Variants in PDE3A observed in about 807,000 individuals in gnomAD.
PDE3A encodes cGMP-inhibited 3',5'-cyclic phosphodiesterase 3A.
Under a neutral mutation model 98.3 loss-of-function variants are expected in PDE3A, and 43 were observed. The observed-to-expected ratio is 0.44, with a 90% confidence interval of 0.34 to 0.56. PDE3A has a LOEUF of 0.56. Ranked by LOEUF, PDE3A falls within the 20% of genes least tolerant of loss-of-function variation. PDE3A has a pLI of 0.01. For missense variants in PDE3A, 1,427 were observed against 1,440.7 expected (o/e 0.99, Z 0.15); for synonymous variants, 663 against 567.9 (o/e 1.17, Z -2.38).
intron 1 of PDE3A, among the ~76,000 whole-genome samples, chr12:20,422,533 T>C (rs1944536841): frequency 1.3e-5 from 2 of 152,240 alleles, no homozygotes; most frequent in South Asian, 2.1e-4. Context: ...CATTGCATGT[T>C]ATTATTGAGG....
intron 2 of PDE3A, among the ~76,000 whole-genome samples, chr12:20,589,670 C>T (rs1437219093): frequency 6.6e-6 from 1 of 151,698 alleles, no homozygotes; most frequent in East Asian, 2.0e-4. Context: ...AGATCGAGAC[C>T]ATCCTGGCTA....
chr12:20,687,453 T>C lies in PDE3A; in HGVS notation c.*7182T>C, dbSNP rs1201506396. On this transcript the variant is annotated 3_prime_UTR_variant, in exon 16 of 16. Transcript: ENST00000359062. ...AAAAATCACTAAATTTTTTATACTCTGTAAAATATTTGCATGGGAATTTTA... is the reference window on the plus strand; with the variant it reads ...AAAAATCACTAAATTTTTTATACTCCGTAAAATATTTGCATGGGAATTTTA... 2.0e-5 allele frequency among the ~76,000 whole-genome samples: 3 copies of C among 151,810 alleles called. No individual in the cohort carries two copies. Among genetic ancestry groups the C allele is most frequent in the Non-Finnish European group, 4.4e-5 (3 of 67,878 alleles).
chr12:20,601,768 T>A (rs1017295608), intron 2 of PDE3A, among the ~76,000 whole-genome samples: 1 of 151,942 alleles, frequency 6.6e-6, no homozygotes, highest in Admixed American at 6.6e-5. Flanking sequence ...TTTTTAGCTT[T>A]TTTTTTTGTT....
intron 1 of PDE3A, among the ~76,000 whole-genome samples, chr12:20,422,838 T>G (rs1412522959): frequency 6.6e-6 from 1 of 152,226 alleles, no homozygotes; most frequent in East Asian, 1.9e-4. Context: ...TGGAGGCAGT[T>G]CTTAAAACTA....
intron 13 of PDE3A, among the ~76,000 whole-genome samples, chr12:20,649,140 C>G (rs1420259003): frequency 6.6e-6 from 1 of 151,598 alleles, no homozygotes; most frequent in East Asian, 2.0e-4. Context: ...ACCATGTTGG[C>G]CAGGCTGCTC....
intron 2 of PDE3A, among the ~76,000 whole-genome samples, chr12:20,564,366 T>A (rs1371295930): frequency 1.3e-5 from 2 of 152,154 alleles, no homozygotes; most frequent in African/African-American, 4.8e-5. Flanking sequence ...ATCTTGACAC[T>A]TTATGTAGGA....
At chr12:20,433,442 A>G (rs1200563658) in intron 1 of PDE3A, among the ~76,000 whole-genome samples, 1 of 152,288 alleles carries the variant, frequency 6.6e-6, no homozygotes, top group East Asian at 1.9e-4. Flanking sequence ...AATTACAGCA[A>G]TTAGTGGTAA....
At chr12:20,420,423 G>T (rs542389636) in intron 1 of PDE3A, among the ~76,000 whole-genome samples, 2 of 152,258 alleles carry the variant, frequency 1.3e-5, no homozygotes, top group South Asian at 2.1e-4. Flanking sequence ...TTCATGCGGA[G>T]GTTGACTGAT....
At chr12:20,440,756 G>A (rs1944857753) in intron 1 of PDE3A, among the ~76,000 whole-genome samples, 1 of 152,170 alleles carries the variant, frequency 6.6e-6, no homozygotes. Flanking sequence ...GTGGGATGAA[G>A]AGTGTGATCT....
At chr12:20,617,055 T>C (rs998453771) in intron 4 of PDE3A, among the ~76,000 whole-genome samples, 9 of 152,190 alleles carry the variant, frequency 5.9e-5, no homozygotes, top group African/African-American at 2.2e-4. Flanking sequence ...ATTATACTTA[T>C]CTTACTTTAT....
intron 1 of PDE3A, among the ~76,000 whole-genome samples, chr12:20,449,491 G>T (rs1364032967): frequency 6.6e-6 from 1 of 151,996 alleles, no homozygotes; most frequent in Non-Finnish European, 1.5e-5. Context: ...GACGACTTTT[G>T]ATTAAGAAAA....
At chr12:20,385,448 G>A (rs927231472) in intron 1 of PDE3A, among the ~76,000 whole-genome samples, 6 of 151,896 alleles carry the variant, frequency 4.0e-5, no homozygotes, top group African/African-American at 9.7e-5. Flanking sequence ...GGTATATACC[G>A]AAAGGATTAT....
chr12:20,480,205 A>T (rs1945598634), intron 1 of PDE3A, among the ~76,000 whole-genome samples: 1 of 152,180 alleles, frequency 6.6e-6, no homozygotes, highest in South Asian at 2.1e-4. Context: ...TCAGTGGCCA[A>T]CCAATGAGAG....
intron 1 of PDE3A, among the ~76,000 whole-genome samples, chr12:20,496,891 G>A (rs1236936498): frequency 6.6e-6 from 1 of 152,168 alleles, no homozygotes; most frequent in Non-Finnish European, 1.5e-5. Context: ...GATTCCAGAA[G>A]AGTGTAATTT....
At position 20,386,088 on chromosome 12, in the gene PDE3A, T is replaced by TATA. The variant is rs1555140934; in HGVS notation, c.960+15845_960+15846insTAA. ...TATATATAAAATATATATAAATATA[T>TATA]AAATATATATAAATATATATATAAA... On this transcript the variant is annotated intron_variant, in intron 1 of 15. Coordinates refer to ENST00000359062, the MANE Select transcript of PDE3A (RefSeq NM_000921.5). Among the ~76,000 whole-genome samples the TATA allele has an allele frequency of 4.9e-3, 166 of 33,646 alleles. 7 individuals carry two copies. Among genetic ancestry groups the TATA allele is most frequent in the African/African-American group, 0.01 (105 of 10,134 alleles). 22.1% of individuals were successfully genotyped at this position (33,646 alleles called of 152,430 possible).
chr12:20,385,650 G>A (rs1194294253), intron 1 of PDE3A, among the ~76,000 whole-genome samples: 3 of 151,634 alleles, frequency 2.0e-5, no homozygotes, highest in East Asian at 2.0e-4. Flanking sequence ...GGACATGGAT[G>A]AAGCTGGAAA....
At chr12:20,456,267 C>T (rs1210172259) in intron 1 of PDE3A, among the ~76,000 whole-genome samples, 1 of 152,108 alleles carries the variant, frequency 6.6e-6, no homozygotes, top group African/African-American at 2.4e-5. Flanking sequence ...TGCTAAAATA[C>T]ATAAGCAGGT....
At position 20,616,353 on chromosome 12, in the gene PDE3A, A is replaced by G. The variant is rs1189564152; in HGVS notation, c.1393A>G (p.Ser465Gly). Residue 465 changes from serine (S) to glycine (G), a missense_variant, in exon 4 of 16, where the codon AGC becomes GGC. Physicochemically the swap from Ser to Gly is moderately conservative, Grantham distance 56. This residue lies in a region of PDE3A where 1,012 missense variants were observed against 886.5 expected (regional missense o/e 1.14). Coordinates refer to ENST00000359062, the MANE Select transcript of PDE3A (RefSeq NM_000921.5). Reference sequence around the variant, plus strand: ...ACCAGTACGGAGAGACCGCAGCACCAGCATCAAACTGCAGGAAGCACCTTC... The same window carrying G: ...ACCAGTACGGAGAGACCGCAGCACCGGCATCAAACTGCAGGAAGCACCTTC... ...PAPVRRDRST[S>G]IKLQEAPSSS... is the part of the protein sequence containing the mutation. 1.2e-6 allele frequency: 2 copies of G among 1,613,400 alleles called. No individual in the cohort carries two copies. Among genetic ancestry groups the G allele is most frequent in the Non-Finnish European group, 1.7e-6 (2 of 1,179,538 alleles).
At chr12:20,630,221 G>T in intron 6 of PDE3A, 94 bp downstream of exon 6, 3 of 830,858 alleles carry the variant, frequency 3.6e-6, no homozygotes, top group South Asian at 2.9e-5. Context: ...CTTGGGGTAG[G>T]TTTGCCAAAG....
Sources: allele counts gnomAD v4.1 joint callset (sites outside exome capture counted in the v4.1 genomes callset), GRCh38; gene constraint gnomAD v4.1.1; regional missense constraint gnomAD v4.1.1; transcripts MANE v1.5; gene names NCBI Gene and HGNC (gene_info 2026-07-23, HGNC 2026-07-21).